ZNF778: variants seen among roughly 807,000 people sequenced by gnomAD.
ZNF778 encodes zinc finger protein 778.
Under a neutral mutation model 23.9 loss-of-function variants are expected in ZNF778, and 37 were observed. That is an observed-to-expected ratio of 1.54 (90% CI 1.19 to 2.03). The LOEUF (loss-of-function observed/expected upper bound fraction) is 2.03, where lower values mean the gene tolerates loss of function less well. Among genes scored for constraint, ZNF778 ranks in the 30% most tolerant of loss-of-function variants. ZNF778 has a pLI of 0.00. For synonymous variants in ZNF778, 483 were observed against 343.9 expected, an observed-to-expected ratio of 1.40 and a Z score of -4.48; for missense variants, 1,297 against 934.4, an observed-to-expected ratio of 1.39 and a Z score of -5.06.
Position 89,233,988 on chromosome 16 carries a change from T to C in ZNF778, c.*5426T>C. 8.3e-7 allele frequency: 1 copy of C among 1,211,890 alleles called. No homozygotes were observed. The highest frequency in any genetic ancestry group is 1.1e-6 in the Non-Finnish European group (1 of 918,138). 75.1% of individuals were successfully genotyped at this position (1,211,890 alleles called of 1,614,324 possible). Reference sequence around the variant, plus strand: ...GACTAGCCAGCCCCAGACTTCATCCTGCCCTGTCCTGCCTTTCCTGTGAAA... The same window carrying C: ...GACTAGCCAGCCCCAGACTTCATCCCGCCCTGTCCTGCCTTTCCTGTGAAA... On this transcript the variant is annotated 3_prime_UTR_variant, in exon 7 of 7. Coordinates refer to ENST00000433976, the MANE Select transcript of ZNF778 (RefSeq NM_001201407.2).
chr16:89,237,134 TAAAA>T lies in ZNF778; in HGVS notation c.*8576_*8579del, dbSNP rs1408906931. On this transcript the variant is annotated 3_prime_UTR_variant, in exon 7 of 7. Transcript: ENST00000433976. Reference sequence around the variant, plus strand: ...CAATATGTTAATTAAAACATACTACTAAAAAAAGTGTTAAATAGCCTGAAAGAAT... The same window carrying T: ...CAATATGTTAATTAAAACATACTACTAAAGTGTTAAATAGCCTGAAAGAAT... 6.6e-6 allele frequency: 1 copy of T among 151,222 alleles called. No homozygotes were observed. Among genetic ancestry groups the T allele is most frequent in the South Asian group, 2.1e-4 (1 of 4,772 alleles). 9.4% of individuals were successfully genotyped at this position (151,222 alleles called of 1,614,324 possible).
chr16:89,225,239 C>G (rs56405397), intron 5 of ZNF778, among the ~76,000 whole-genome samples: 1 of 150,358 alleles, frequency 6.7e-6, no homozygotes, highest in Non-Finnish European at 1.5e-5. Context: ...CCTCAGCCTC[C>G]TGAGTAGCTG....
chr16:89,230,821 G>C lies in ZNF778; in HGVS notation c.*2259G>C, dbSNP rs1423176327. The C allele has an allele frequency of 1.3e-5, 2 of 152,226 alleles. No homozygotes were observed. Among genetic ancestry groups the C allele is most frequent in the Non-Finnish European group, 2.9e-5 (2 of 68,074 alleles). 9.4% of individuals were successfully genotyped at this position (152,226 alleles called of 1,614,324 possible). The stretch of plus-strand genomic sequence containing the variant: ...ACAACGAGGTGAACAATAAATCCTG[G>C]ATGGACAGACCCGTGCACCTTCATA... On this transcript the variant is annotated 3_prime_UTR_variant, in exon 7 of 7. Coordinates refer to ENST00000433976, the MANE Select transcript of ZNF778 (RefSeq NM_001201407.2).
At chr16:89,219,509 G>C (rs973350272) in intron 1 of ZNF778, among the ~76,000 whole-genome samples, 27 of 152,308 alleles carry the variant, frequency 1.8e-4, no homozygotes, top group African/African-American at 6.5e-4. Context: ...CTCTGTCCTG[G>C]TTCCAAGCCC....
In ZNF778 at chr16:89,223,175, G is replaced by A. The variant is rs147281237; in HGVS notation, c.136G>A (p.Asp46Asn). 3,493 of 1,613,720 alleles carry A rather than the reference G, an allele frequency of 2.2e-3. 15 individuals are homozygous for A. The highest frequency in any genetic ancestry group is 4.1e-3 in the Admixed American group (247 of 59,912). The change falls in exon 4 of 7, where the codon GAC (aspartate) becomes AAC (asparagine). Residue 46 changes from aspartate to asparagine, a missense_variant. Asp to Asn is a conservative substitution (Grantham distance 23, BLOSUM62 1). Transcript: ENST00000433976. ...NCYQDAVTFD[D>N]VAVDFTQEEW... Reference sequence around the variant, plus strand: ...GATTTAGGACGCGGTGACCTTTGACGACGTGGCTGTGGACTTCACCCAGGA... The same window carrying A: ...GATTTAGGACGCGGTGACCTTTGACAACGTGGCTGTGGACTTCACCCAGGA...
intron 5 of ZNF778, 21 bp downstream of exon 5, chr16:89,224,823 T>G: frequency 6.7e-7 from 1 of 1,481,872 alleles, no homozygotes; most frequent in Non-Finnish European, 9.1e-7. Flanking sequence ...AGAGCACGCC[T>G]GGTCGATGTC....
intron 1 of ZNF778, among the ~76,000 whole-genome samples, chr16:89,220,017 G>A (rs2030764801): frequency 6.6e-6 from 1 of 152,174 alleles, no homozygotes; most frequent in Non-Finnish European, 1.5e-5. Context: ...TCTGTTCACT[G>A]TATCCAACCA....
chr16:89,224,370 G>A (rs929803452), intron 4 of ZNF778, among the ~76,000 whole-genome samples: 4 of 152,214 alleles, frequency 2.6e-5, no homozygotes, highest in African/African-American at 9.6e-5. Context: ...TGTAATCCTA[G>A]CACTTTTGAG....
Position 89,228,523 on chromosome 16 carries a change from C to G in ZNF778, c.2235C>G (p.Asn745Lys), listed in dbSNP as rs952942219. Reference sequence around the variant, plus strand: ...CTTTTAAGAATTCCTCATGCCTTAACCATCACACTCAAATTCACACTGATG... The same window carrying G: ...CTTTTAAGAATTCCTCATGCCTTAAGCATCACACTCAAATTCACACTGATG... ...GKSFKNSSCLNHHTQIHTDEK... is the reference protein window; with the variant it reads ...GKSFKNSSCLKHHTQIHTDEK... The change falls in exon 7 of 7, where the codon AAC becomes AAG. Residue 745 changes from asparagine (N) to lysine (K), a missense_variant. By Grantham distance (94) the Asn-to-Lys change is moderately conservative. Coordinates refer to ENST00000433976, the MANE Select transcript of ZNF778 (RefSeq NM_001201407.2). 12 of 1,600,768 alleles carry G rather than the reference C, an allele frequency of 7.5e-6. No homozygotes were observed. The highest frequency in any genetic ancestry group is 2.2e-5 in the East Asian group (1 of 44,826).
rs2151639526 is a variant in ZNF778 at position 89,231,126 on chromosome 16, G to T, written c.*2564G>T. 1 of 152,440 alleles carries T rather than the reference G, an allele frequency of 6.6e-6. No individual in the cohort carries two copies. Among genetic ancestry groups the T allele is most frequent in the Non-Finnish European group, 1.5e-5 (1 of 68,082 alleles). 9.4% of individuals were successfully genotyped at this position (152,440 alleles called of 1,614,324 possible). On this transcript the variant is annotated 3_prime_UTR_variant, in exon 7 of 7. Transcript: ENST00000433976. ...TGTGCCATGTTTCTCTTGTGGGATT[G>T]AGTGTGGCTATTTAGCTCATCTGTT... is the stretch of plus-strand genomic sequence containing the variant.
chr16:89,223,634 G>T (rs1185504224), intron 4 of ZNF778, among the ~76,000 whole-genome samples: 1 of 152,194 alleles, frequency 6.6e-6, no homozygotes, highest in Non-Finnish European at 1.5e-5. Flanking sequence ...AGTGAATGAA[G>T]ATCTCTTATT....
rs377570698 is a variant in ZNF778 at position 89,233,459 on chromosome 16, G to T, written c.*4897G>T. 1 of 1,224,794 alleles carries T rather than the reference G, an allele frequency of 8.2e-7. No homozygotes were observed. The highest frequency in any genetic ancestry group is 1.4e-5 in the South Asian group (1 of 73,456). The allele number at this position is 1,224,794 out of a possible 1,614,324, so 75.9% of individuals were successfully genotyped here. ...TCGCACTGCGTGTGCAACTCAACTC[G>T]CACTGCGTGTGCAACTCAACTCACA... On this transcript the variant is annotated 3_prime_UTR_variant, in exon 7 of 7. Coordinates refer to ENST00000433976, the MANE Select transcript of ZNF778 (RefSeq NM_001201407.2).
rs779999417 is a variant in ZNF778, at chr16:89,225,615, C to G, written c.389C>G (p.Ser130Ter). 1.2e-6 allele frequency: 2 copies of G among 1,612,314 alleles called. No individual in the cohort carries two copies. Among genetic ancestry groups the G allele is most frequent in the East Asian group, 4.5e-5 (2 of 44,848 alleles). ...LRQDRSWFRA[S>*]NETQTARSHN... ...CAGGATAGATCTTGGTTCAGAGCATCAAATGAGACACAGACGGTAAGATTA... is the reference window on the plus strand; with the variant it reads ...CAGGATAGATCTTGGTTCAGAGCATGAAATGAGACACAGACGGTAAGATTA... Residue 130 changes from serine (S) to a stop codon, truncating the protein, a stop_gained, in exon 6 of 7, where the codon TCA becomes TGA. Transcript: ENST00000433976. LOFTEE classifies it low-confidence loss of function (END_TRUNC).
At chr16:89,226,481 A>G (rs900656844) in intron 6 of ZNF778, among the ~76,000 whole-genome samples, 1 of 152,208 alleles carries the variant, frequency 6.6e-6, no homozygotes, top group Admixed American at 6.5e-5. Flanking sequence ...CTGGGATTAC[A>G]GGCATGAGCT....
At position 89,234,231 on chromosome 16, in the gene ZNF778, A is replaced by G; in HGVS notation, c.*5669A>G. On this transcript the variant is annotated 3_prime_UTR_variant, in exon 7 of 7. Transcript: ENST00000433976. ...GTTTTCCTCATAGTCTCTCTACCTAAGCACATGTCTGTGACAAGGTCTTAC... is the reference window on the plus strand; with the variant it reads ...GTTTTCCTCATAGTCTCTCTACCTAGGCACATGTCTGTGACAAGGTCTTAC... The G allele has an allele frequency of 2.8e-6, 1 of 359,558 alleles. No individual in the cohort carries two copies. 22.3% of individuals were successfully genotyped at this position (359,558 alleles called of 1,614,324 possible).
chr16:89,222,195 CTG>C lies in ZNF778; in HGVS notation c.117+14_117+15del, dbSNP rs1410130667. On this transcript the variant is annotated intron_variant, in intron 3 of 6. Coordinates refer to ENST00000433976, the MANE Select transcript of ZNF778 (RefSeq NM_001201407.2). The stretch of plus-strand genomic sequence containing the variant: ...TAAATTGTTACCAGGTATGCCAAAA[CTG>C]TATTTTTTCTTAAAATAACATACTG... 20 of 1,588,494 alleles carry C rather than the reference CTG, an allele frequency of 1.3e-5. No homozygotes were observed. Among genetic ancestry groups the C allele is most frequent in the Middle Eastern group, 1.7e-4 (1 of 5,950 alleles).
In ZNF778 at chr16:89,230,392, A is replaced by C. The variant is rs985608839; in HGVS notation, c.*1830A>C. 7 of 152,322 alleles carry C rather than the reference A, an allele frequency of 4.6e-5. No individual in the cohort carries two copies. Among genetic ancestry groups the C allele is most frequent in the African/African-American group, 1.4e-4 (6 of 41,434 alleles). 9.4% of individuals were successfully genotyped at this position (152,322 alleles called of 1,614,324 possible). ...CCTCCAGATCCTCTTCACAGCATGC[A>C]GAGCGGTCCTGGCAGCTGCTGCAAT... On this transcript the variant is annotated 3_prime_UTR_variant, in exon 7 of 7. Coordinates refer to ENST00000433976, the MANE Select transcript of ZNF778 (RefSeq NM_001201407.2).
Position 89,227,576 on chromosome 16 carries a change from T to C in ZNF778, c.1288T>C (p.Phe430Leu). 1 of 1,614,184 alleles carries C rather than the reference T, an allele frequency of 6.2e-7. No homozygotes were observed. Among genetic ancestry groups the C allele is most frequent in the Non-Finnish European group, 8.5e-7 (1 of 1,180,028 alleles). ...TACATGCAGCTACTGTGGGAAGGCC[T>C]TCACTGTGCGCTGTGGCCTTACTAG... Reference protein sequence around the residue: ...PYTCSYCGKAFTVRCGLTRHV... With the variant: ...PYTCSYCGKALTVRCGLTRHV... Residue 430 changes from phenylalanine (F) to leucine (L), a missense_variant, in exon 7 of 7, where the codon TTC becomes CTC. By Grantham distance (22) the Phe-to-Leu change is conservative. Coordinates refer to ENST00000433976, the MANE Select transcript of ZNF778 (RefSeq NM_001201407.2).
intron 1 of ZNF778, among the ~76,000 whole-genome samples, chr16:89,219,892 G>T (rs1358361473): frequency 6.6e-6 from 1 of 152,238 alleles, no homozygotes. Flanking sequence ...GGTGCATATC[G>T]GAGGGGATGT....
Sources: gnomAD v4.1 joint callset for allele counts (sites outside exome capture counted in the v4.1 genomes callset) on GRCh38, gnomAD v4.1.1 for gene constraint, MANE v1.5 for transcripts, NCBI Gene and HGNC (gene_info 2026-07-23, HGNC 2026-07-21) for gene names.